KIDINS220: variants seen among roughly 807,000 people sequenced by gnomAD.
KIDINS220 encodes the protein kinase D interacting substrate 220.
Under a neutral mutation model 157.6 loss-of-function variants are expected in KIDINS220, and 63 were observed. The ratio of observed to expected loss-of-function variants is 0.40; its 90% CI spans 0.33 to 0.49. The LOEUF is 0.49. Ranked by LOEUF, KIDINS220 falls within the 20% of genes least tolerant of loss-of-function variation. The pLI is 0.66. For missense variants in KIDINS220, 1,772 were observed against 2,171.2 expected, an observed-to-expected ratio of 0.82 and a Z score of 3.65; for synonymous variants, 732 against 783.6, an observed-to-expected ratio of 0.93 and a Z score of 1.10.
chr2:8,830,497 C>T (rs943302873), intron 1 of KIDINS220, among the ~76,000 whole-genome samples: 12 of 152,204 alleles, frequency 7.9e-5, no homozygotes, highest in African/African-American at 2.9e-4. Flanking sequence ...TGGCTCACTG[C>T]AGCCTTGACC....
rs558364907 is a variant in KIDINS220 at position 8,772,085 on chromosome 2, G to A, written c.2849-1253C>T. Among the ~76,000 whole-genome samples the A allele has an allele frequency of 8.5e-5, 13 of 152,314 alleles. No homozygotes were observed. The South Asian group carries it at 2.7e-3, about 32-fold the overall frequency. ...GGCAGAGACAAGGGAAGCAGAGTGA[G>A]GACATTCAGACAAAAGGAACAGCAA... On this transcript the variant is annotated intron_variant, in intron 21 of 29. Coordinates refer to ENST00000256707, the MANE Select transcript of KIDINS220 (RefSeq NM_020738.4).
chr2:8,731,895 C>A lies in KIDINS220; in HGVS notation c.4141G>T (p.Ala1381Ser). The A allele has an allele frequency of 6.2e-7, 1 of 1,613,944 alleles. No individual in the cohort carries two copies. The highest frequency in any genetic ancestry group is 1.1e-5 in the South Asian group (1 of 90,974). ...TCTCTATAGGCATCTCTATACTCGGCCTGCACCTTATCAGTAAGCTTTGAA... is the reference window on the plus strand; with the variant it reads ...TCTCTATAGGCATCTCTATACTCGGACTGCACCTTATCAGTAAGCTTTGAA... Reference protein sequence around the residue: ...EISKLTDKVQAEYRDAYREYI... With the variant: ...EISKLTDKVQSEYRDAYREYI... Residue 1381 changes from alanine (A) to serine (S), a missense_variant, in exon 30 of 30, where the codon GCC (alanine) becomes TCC (serine). Physicochemically the swap from Ala to Ser is moderately conservative, Grantham distance 99. Coordinates refer to ENST00000256707, the MANE Select transcript of KIDINS220 (RefSeq NM_020738.4). This position sits in a 1 kb window ranked among gnomAD's most constrained non-coding sequence, Gnocchi z 5.2.
At chr2:8,766,253 A>G (rs1669476378) in intron 22 of KIDINS220, among the ~76,000 whole-genome samples, 2 of 152,112 alleles carry the variant, frequency 1.3e-5, no homozygotes, top group African/African-American at 4.8e-5. Flanking sequence ...TGTTCCTTCA[A>G]CATTGATTCC....
At chr2:8,814,493 T>C (rs541494448) in intron 4 of KIDINS220, among the ~76,000 whole-genome samples, 8 of 147,120 alleles carry the variant, frequency 5.4e-5, no homozygotes, top group Non-Finnish European at 4.6e-5. Context: ...AGACAGATGA[T>C]AGACAGATAG....
At chr2:8,744,222 T>A (rs1666032982) in intron 26 of KIDINS220, among the ~76,000 whole-genome samples, 1 of 144,364 alleles carries the variant, frequency 6.9e-6, no homozygotes, top group Non-Finnish European at 1.5e-5. Flanking sequence ...TGTGAAACAC[T>A]TGGATATATC....
chr2:8,829,709 A>G (rs1008642301), intron 1 of KIDINS220, among the ~76,000 whole-genome samples: 2 of 152,158 alleles, frequency 1.3e-5, no homozygotes, highest in African/African-American at 2.4e-5. Context: ...GAAATAAAAA[A>G]AGAACAAATG....
intron 9 of KIDINS220, among the ~76,000 whole-genome samples, chr2:8,799,032 A>C (rs894315209): frequency 8.6e-5 from 13 of 151,990 alleles, no homozygotes; most frequent in Admixed American, 6.6e-4. Flanking sequence ...TTTCCTCAAC[A>C]GTTTCTCTTC....
chr2:8,798,080 T>C (rs1017977867), intron 10 of KIDINS220, 122 bp downstream of exon 10: 6 of 607,282 alleles, frequency 9.9e-6, no homozygotes, highest in African/African-American at 5.6e-5. Context: ...CTCAATGTGA[T>C]AGAGAATATT....
chr2:8,774,084 T>C (rs895692499), intron 21 of KIDINS220, among the ~76,000 whole-genome samples: 9 of 151,768 alleles, frequency 5.9e-5, no homozygotes, highest in Non-Finnish European at 1.2e-4. Flanking sequence ...GGCGGGCGGA[T>C]CAGGAGTTCA....
In KIDINS220 at chr2:8,736,893, G is replaced by A; in HGVS notation, c.3692C>T (p.Pro1231Leu). The A allele has an allele frequency of 6.2e-7, 1 of 1,614,166 alleles. No individual in the cohort carries two copies. The highest frequency in any genetic ancestry group is 8.5e-7 in the Non-Finnish European group (1 of 1,180,012). ...CTTTTTGATCGTGGTACAATACTGA[G>A]GCAGCATACTCTGGTCCAGCCCTTC... is the stretch of plus-strand genomic sequence containing the variant. ...QIEGLDQSML[P>L]QYCTTIKKAN... Residue 1231 changes from proline to leucine, a missense_variant, in exon 27 of 30, where the codon CCT (proline) becomes CTT (leucine). Around this residue, in one of 3 missense-constraint regions of KIDINS220, gnomAD observed 793 missense variants for 885.5 expected, o/e 0.90. Transcript: ENST00000256707.
intron 24 of KIDINS220, chr2:8,749,409 A>C (rs1667011283): frequency 8.8e-6 from 4 of 456,270 alleles, no homozygotes; most frequent in African/African-American, 8.0e-5. Context: ...CCCCAGGTTC[A>C]TGCTCCATTT....
At chr2:8,762,777 T>C (rs899420496) in intron 22 of KIDINS220, among the ~76,000 whole-genome samples, 31 of 151,796 alleles carry the variant, frequency 2.0e-4, no homozygotes, top group African/African-American at 7.0e-4. Context: ...AGAAAACCTA[T>C]TGAAAAAGTT....
intron 12 of KIDINS220, among the ~76,000 whole-genome samples, chr2:8,792,154 G>C (rs1673278287): frequency 6.6e-6 from 1 of 152,008 alleles, no homozygotes; most frequent in South Asian, 2.1e-4. Context: ...AACCATAGAA[G>C]TACTAGAAGG....
intron 21 of KIDINS220, among the ~76,000 whole-genome samples, chr2:8,772,911 A>G (rs1201896761): frequency 1.3e-5 from 2 of 152,202 alleles, no homozygotes; most frequent in African/African-American, 4.8e-5. Flanking sequence ...CTAAGAAGTA[A>G]CATGCCCGTG....
At chr2:8,824,637 G>C (rs567150723) in intron 2 of KIDINS220, among the ~76,000 whole-genome samples, 3 of 152,256 alleles carry the variant, frequency 2.0e-5, no homozygotes, top group African/African-American at 7.2e-5. Flanking sequence ...CCCTGATTCT[G>C]CCACTGCACT....
At chr2:8,787,750 A>G (rs1257033444) in intron 15 of KIDINS220, among the ~76,000 whole-genome samples, 1 of 145,366 alleles carries the variant, frequency 6.9e-6, no homozygotes. Flanking sequence ...TTTTCATTTC[A>G]CTGTCCTCTG....
chr2:8,781,532 C>T (rs1009857305), intron 17 of KIDINS220, among the ~76,000 whole-genome samples: 1 of 151,976 alleles, frequency 6.6e-6, no homozygotes, highest in African/African-American at 2.4e-5. Context: ...ATAAAACACG[C>T]CATAACAAAT....
At chr2:8,825,893 C>T (rs1678713679) in intron 2 of KIDINS220, 1 of 151,870 alleles carries the variant, frequency 6.6e-6, no homozygotes, top group Admixed American at 6.6e-5. Flanking sequence ...TCCTGGGTAA[C>T]ACGGTGAAAC....
At chr2:8,773,038 A>G (rs1178134418) in intron 21 of KIDINS220, among the ~76,000 whole-genome samples, 1 of 152,250 alleles carries the variant, frequency 6.6e-6, no homozygotes, top group African/African-American at 2.4e-5. Flanking sequence ...AAAAGAAATC[A>G]AAATTTCATT....
Sources: allele counts gnomAD v4.1 joint callset (sites outside exome capture counted in the v4.1 genomes callset), GRCh38; gene constraint gnomAD v4.1.1; regional missense constraint gnomAD v4.1.1; non-coding constraint Gnocchi (gnomAD v3.1); transcripts MANE v1.5; gene names NCBI Gene and HGNC (gene_info 2026-07-23, HGNC 2026-07-21).